NOPCHAP1: variants seen among roughly 807,000 people sequenced by gnomAD.
The protein encoded by NOPCHAP1 is NOP protein chaperone 1, also known as DNA damage-sensitive RNA 1.
Under a neutral mutation model 14.0 loss-of-function variants are expected in NOPCHAP1, and 13 were observed. The ratio of observed to expected loss-of-function variants is 0.93; its 90% CI spans 0.60 to 1.47. The LOEUF is 1.47. Ranked by LOEUF, NOPCHAP1 falls within the 40% of genes most tolerant of loss-of-function variation. The pLI, the probability that NOPCHAP1 is intolerant of heterozygous loss-of-function variation, is 0.00. For missense variants in NOPCHAP1, 230 were observed against 226.9 expected, an observed-to-expected ratio of 1.01 and a Z score of -0.09; for synonymous variants, 78 against 78.4, an observed-to-expected ratio of 1.00 and a Z score of 0.03.
At chr12:104,990,326 G>A (rs1281009671) in intron 2 of NOPCHAP1, among the ~76,000 whole-genome samples, 1 of 152,092 alleles carries the variant, frequency 6.6e-6, no homozygotes, top group East Asian at 1.9e-4. Context: ...TTCATTAGTT[G>A]GAAACAAAAG....
intron 1 of NOPCHAP1, 42 bp downstream of exon 1, chr12:104,986,509 C>A: frequency 6.6e-7 from 1 of 1,509,892 alleles, no homozygotes; most frequent in Non-Finnish European, 9.0e-7. Flanking sequence ...ACACGTGCGG[C>A]AGAGGAGGCG....
chr12:104,995,051 TGATCTAAGGA>T lies in NOPCHAP1; in HGVS notation c.*365_*374del. The T allele has an allele frequency of 3.8e-6, 1 of 260,746 alleles. No homozygotes were observed. The highest frequency in any genetic ancestry group is 2.4e-5 in the African/African-American group (1 of 42,536). The allele number at this position is 260,746 out of a possible 1,614,324, so 16.2% of individuals were successfully genotyped here. A position where few individuals can be genotyped will look rare whatever the true frequency, so the allele number is the denominator to read the frequency against. Reference sequence around the variant, plus strand: ...TGCCTGATGTCCCATAGGTATGGTCTGATCTAAGGAGATCTAAGGCTGCCTTGTCCGATGG... The same window carrying T: ...TGCCTGATGTCCCATAGGTATGGTCTGATCTAAGGCTGCCTTGTCCGATGG... On this transcript the variant is annotated 3_prime_UTR_variant, in exon 4 of 4. Transcript: ENST00000552951.
At position 105,000,129 on chromosome 12, in the gene NOPCHAP1, T is replaced by C. The variant is rs1353115067; in HGVS notation, c.*5433T>C. 1 of 152,248 alleles carries C rather than the reference T, an allele frequency of 6.6e-6. No homozygotes were observed. Among genetic ancestry groups the C allele is most frequent in the African/African-American group, 2.4e-5 (1 of 41,466 alleles). The allele number at this position is 152,248 out of a possible 1,614,324, so 9.4% of individuals were successfully genotyped here. ...ATACAAATAATCACCGGTGCCCACA[T>C]AGATAGTCCCCAAGTCTTGAGTATG... On this transcript the variant is annotated 3_prime_UTR_variant, in exon 4 of 4. Transcript: ENST00000552951.
In NOPCHAP1 at chr12:105,010,377, T is replaced by C. The variant is rs1003590218; in HGVS notation, c.*15681T>C. ...TGATTCTTCTCTCTTTTCTTCTTTA[T>C]TAATTGGGCTTGTGGTCTATCTATT... On this transcript the variant is annotated 3_prime_UTR_variant, in exon 4 of 4. Coordinates refer to ENST00000552951, the MANE Select transcript of NOPCHAP1 (RefSeq NM_152318.3). The C allele has an allele frequency of 6.6e-6, 1 of 152,198 alleles. No homozygotes were observed. Among genetic ancestry groups the C allele is most frequent in the East Asian group, 1.9e-4 (1 of 5,204 alleles). 9.4% of individuals were successfully genotyped at this position (152,198 alleles called of 1,614,324 possible).
chr12:104,989,828 A>G (rs1873333026), intron 2 of NOPCHAP1, among the ~76,000 whole-genome samples: 1 of 152,162 alleles, frequency 6.6e-6, no homozygotes, highest in Non-Finnish European at 1.5e-5. Flanking sequence ...CAATTTGGAT[A>G]GCTTCTATCG....
In NOPCHAP1 at chr12:105,004,846, A is replaced by G. The variant is rs554057359; in HGVS notation, c.*10150A>G. 1 of 152,360 alleles carries G rather than the reference A, an allele frequency of 6.6e-6. No homozygotes were observed. Among genetic ancestry groups the G allele is most frequent in the African/African-American group, 2.4e-5 (1 of 41,592 alleles). The allele number at this position is 152,360 out of a possible 1,614,324, so 9.4% of individuals were successfully genotyped here. A position where few individuals can be genotyped will look rare whatever the true frequency, so the allele number is the denominator to read the frequency against. On this transcript the variant is annotated 3_prime_UTR_variant, in exon 4 of 4. Transcript: ENST00000552951. Reference sequence around the variant, plus strand: ...AACTACTAATAGCCTACTATTGACTAGAAGCCTTAGTGAAACATAAATAGT... The same window carrying G: ...AACTACTAATAGCCTACTATTGACTGGAAGCCTTAGTGAAACATAAATAGT...
intron 1 of NOPCHAP1, among the ~76,000 whole-genome samples, chr12:104,986,720 A>ACC (rs1873246348): frequency 6.6e-6 from 1 of 152,076 alleles, no homozygotes; most frequent in East Asian, 1.9e-4. Context: ...GTGAGCGCCC[A>ACC]CCCTGCCAGG....
At chr12:104,992,113 C>T (rs149146954) in intron 3 of NOPCHAP1, among the ~76,000 whole-genome samples, 7 of 152,122 alleles carry the variant, frequency 4.6e-5, no homozygotes, top group African/African-American at 1.4e-4. Flanking sequence ...TTTTTCTGTC[C>T]AAGCCCCAAA....
Position 104,995,374 on chromosome 12 carries a change from C to T in NOPCHAP1, c.*678C>T, listed in dbSNP as rs1269258680. ...TCCAAAGAAACAATAGTGTCAGCTA[C>T]AAATTGTATTGAATTTTCTGTAGTA... On this transcript the variant is annotated 3_prime_UTR_variant, in exon 4 of 4. Transcript: ENST00000552951. The T allele has an allele frequency of 6.6e-6, 1 of 152,236 alleles. No homozygotes were observed. The highest frequency in any genetic ancestry group is 1.5e-5 in the Non-Finnish European group (1 of 68,100). The allele number at this position is 152,236 out of a possible 1,614,324, so 9.4% of individuals were successfully genotyped here.
rs1241949424 is a variant in NOPCHAP1 at position 105,010,986 on chromosome 12, T to C, written c.*16290T>C. 1.3e-5 allele frequency: 2 copies of C among 152,208 alleles called. No individual in the cohort carries two copies. Among genetic ancestry groups the C allele is most frequent in the Non-Finnish European group, 2.9e-5 (2 of 68,022 alleles). 9.4% of individuals were successfully genotyped at this position (152,208 alleles called of 1,614,324 possible). ...GAGTGGAGAGTTCTGTAGATGTCTA[T>C]TAAGCACACTTGGTCCAGAGCTGAG... On this transcript the variant is annotated 3_prime_UTR_variant, in exon 4 of 4. Coordinates refer to ENST00000552951, the MANE Select transcript of NOPCHAP1 (RefSeq NM_152318.3).
chr12:104,991,571 A>T, intron 2 of NOPCHAP1, 141 bp from the exon 3 acceptor site: 1 of 794,448 alleles, frequency 1.3e-6, no homozygotes, highest in Non-Finnish European at 1.9e-6. Flanking sequence ...AAGAGGATGG[A>T]GGGTTTTTAA....
intron 3 of NOPCHAP1, among the ~76,000 whole-genome samples, chr12:104,993,970 A>G (rs1240065926): frequency 4.6e-5 from 7 of 152,178 alleles, no homozygotes; most frequent in African/African-American, 1.7e-4. Flanking sequence ...TATTTTAGAC[A>G]CTTAGAGTAA....
Position 105,001,339 on chromosome 12 carries a change from C to T in NOPCHAP1, c.*6643C>T, listed in dbSNP as rs1250417632. 6.6e-6 allele frequency: 1 copy of T among 152,194 alleles called. No homozygotes were observed. The highest frequency in any genetic ancestry group is 1.5e-5 in the Non-Finnish European group (1 of 68,026). The allele number at this position is 152,194 out of a possible 1,614,324, so 9.4% of individuals were successfully genotyped here. ...CATTAAGGGTGGCAATTGATGAAAT[C>T]CATCTGTAAACATTCAAATGGTCCA... On this transcript the variant is annotated 3_prime_UTR_variant, in exon 4 of 4. Coordinates refer to ENST00000552951, the MANE Select transcript of NOPCHAP1 (RefSeq NM_152318.3).
rs1489910932 is a variant in NOPCHAP1 at position 104,997,969 on chromosome 12, A to G, written c.*3273A>G. 3 of 152,124 alleles carry G rather than the reference A, an allele frequency of 2.0e-5. No individual in the cohort carries two copies. Among genetic ancestry groups the G allele is most frequent in the South Asian group, 2.1e-4 (1 of 4,818 alleles). The allele number at this position is 152,124 out of a possible 1,614,324, so 9.4% of individuals were successfully genotyped here. A position where few individuals can be genotyped will look rare whatever the true frequency, so the allele number is the denominator to read the frequency against. On this transcript the variant is annotated 3_prime_UTR_variant, in exon 4 of 4. Transcript: ENST00000552951. ...CTTCAAGCTCTGAGATTCTTTCCTC[A>G]GTTTGGTCAATTCTGCTGTTAATAC...
In NOPCHAP1 at chr12:105,001,755, T is replaced by C. The variant is rs1399841366; in HGVS notation, c.*7059T>C. On this transcript the variant is annotated 3_prime_UTR_variant, in exon 4 of 4. Coordinates refer to ENST00000552951, the MANE Select transcript of NOPCHAP1 (RefSeq NM_152318.3). ...CCACAGAAATAATGTTTCCACAGAGTAAACATTTTTACTCTGAGGGATGTA... is the reference window on the plus strand; with the variant it reads ...CCACAGAAATAATGTTTCCACAGAGCAAACATTTTTACTCTGAGGGATGTA... The C allele has an allele frequency of 6.6e-6, 1 of 152,156 alleles. No homozygotes were observed. The highest frequency in any genetic ancestry group is 2.4e-5 in the African/African-American group (1 of 41,436). The allele number at this position is 152,156 out of a possible 1,614,324, so 9.4% of individuals were successfully genotyped here.
chr12:104,991,338 A>G (rs149757108), intron 2 of NOPCHAP1, among the ~76,000 whole-genome samples: 325 of 152,274 alleles, frequency 2.1e-3, no homozygotes, highest in African/African-American at 7.1e-3. Flanking sequence ...GGCCCAAGGT[A>G]ATTCAGATAG....
At position 104,991,933 on chromosome 12, in the gene NOPCHAP1, G is replaced by A. The variant is rs185986482; in HGVS notation, c.339+85G>A. 29 of 1,459,786 alleles carry A rather than the reference G, an allele frequency of 2.0e-5. No individual in the cohort carries two copies. The African/African-American group carries it at 3.7e-4, about 19-fold the overall frequency. 90.4% of individuals were successfully genotyped at this position (1,459,786 alleles called of 1,614,324 possible). A position where few individuals can be genotyped will look rare whatever the true frequency, so the allele number is the denominator to read the frequency against. Reference sequence around the variant, plus strand: ...GAGAACTTTTCCATTTTATTTTCAAGTTTTCATTTTCCTGGTGTTAGCTCA... The same window carrying A: ...GAGAACTTTTCCATTTTATTTTCAAATTTTCATTTTCCTGGTGTTAGCTCA... On this transcript the variant is annotated intron_variant, in intron 3 of 3. Coordinates refer to ENST00000552951, the MANE Select transcript of NOPCHAP1 (RefSeq NM_152318.3).
intron 2 of NOPCHAP1, 38 bp downstream of exon 2, chr12:104,988,291 T>G: frequency 6.6e-7 from 1 of 1,504,682 alleles, no homozygotes; most frequent in Non-Finnish European, 9.2e-7. Context: ...TCTCTAATGC[T>G]GAGTTTTGTC....
chr12:104,987,200 G>A (rs549989745), intron 1 of NOPCHAP1, among the ~76,000 whole-genome samples: 7 of 152,210 alleles, frequency 4.6e-5, no homozygotes, highest in Non-Finnish European at 5.9e-5. Flanking sequence ...GATTCCGAAG[G>A]AAGTATAATA....
Sources: gnomAD v4.1 joint callset for allele counts (sites outside exome capture counted in the v4.1 genomes callset) on GRCh38, gnomAD v4.1.1 for gene constraint, MANE v1.5 for transcripts, NCBI Gene and HGNC (gene_info 2026-07-23, HGNC 2026-07-21) for gene names.